Variants in GPD2 observed in about 807,000 individuals in gnomAD.
The protein encoded by GPD2 is glycerol-3-phosphate dehydrogenase, mitochondrial.
A neutral mutation model predicts 82.4 loss-of-function variants in GPD2; 54 were observed. The ratio of observed to expected loss-of-function variants is 0.66; its 90% confidence interval spans 0.53 to 0.82. The LOEUF (loss-of-function observed/expected upper bound fraction) is 0.82, where lower values mean the gene tolerates loss of function less well. Among genes scored for constraint, GPD2 ranks in the 40% least tolerant of loss-of-function variants. GPD2 has a pLI of 0.00. For missense variants in GPD2, 748 were observed against 896.2 expected, an observed-to-expected ratio of 0.83 and a Z score of 2.11; for synonymous variants, 288 against 306.1, an observed-to-expected ratio of 0.94 and a Z score of 0.62.
At chr2:156,422,344 A>T in the GPD2 span, among the ~76,000 whole-genome samples, 2 of 152,198 alleles carry the variant, frequency 1.3e-5, no homozygotes, top group African/African-American at 4.8e-5. Flanking sequence ...TATTCAAAGT[A>T]ATGTTATCTA....
At chr2:156,564,866 A>G (rs1365716330) in intron 9 of GPD2, among the ~76,000 whole-genome samples, 1 of 152,138 alleles carries the variant, frequency 6.6e-6, no homozygotes, top group African/African-American at 2.4e-5. Flanking sequence ...AGCAAAGTAA[A>G]TTAAAGTTCT....
chr2:156,512,107 A>C (rs1432861698), intron 4 of GPD2, 113 bp from the exon 5 acceptor site: 2 of 732,954 alleles, frequency 2.7e-6, no homozygotes, highest in Non-Finnish European at 2.5e-6. Context: ...AGCTATCCTC[A>C]CTCAGAGATA....
chr2:156,408,712 A>T, the GPD2 span, among the ~76,000 whole-genome samples: 3 of 111,702 alleles, frequency 2.7e-5, no homozygotes, highest in East Asian at 3.1e-4. Context: ...TGCACCTGGT[A>T]AAAAAAAAAA....
chr2:156,570,879 T>C (rs1326284192), intron 12 of GPD2, among the ~76,000 whole-genome samples: 1 of 152,190 alleles, frequency 6.6e-6, no homozygotes, highest in Non-Finnish European at 1.5e-5. Context: ...GCAATTTGCA[T>C]GTTTATGCCA....
chr2:156,505,173 C>G (rs1051372972), intron 3 of GPD2, among the ~76,000 whole-genome samples: 2 of 151,922 alleles, frequency 1.3e-5, no homozygotes, highest in African/African-American at 4.8e-5. Context: ...TAGAAATTCT[C>G]ACTCAGGTCA....
upstream of GPD2, among the ~76,000 whole-genome samples, chr2:156,433,409 C>G (rs1266731752): frequency 6.6e-6 from 1 of 152,106 alleles, no homozygotes; most frequent in African/African-American, 2.4e-5. Context: ...TAAACTGACT[C>G]CTCTGACCTT....
In GPD2 at chr2:156,538,521, C is replaced by A. The variant is rs530494632; in HGVS notation, c.662-11087C>A. On this transcript the variant is annotated intron_variant, in intron 6 of 16. Coordinates refer to ENST00000438166, the MANE Select transcript of GPD2 (RefSeq NM_000408.5). ...AGTAGGGCAAACCTATTTGAATAACCAAATTAAGATCAGGATTGGCTGGGT... is the reference window on the plus strand; with the variant it reads ...AGTAGGGCAAACCTATTTGAATAACAAAATTAAGATCAGGATTGGCTGGGT... 4.6e-4 allele frequency among the ~76,000 whole-genome samples: 70 copies of A among 150,620 alleles called. No homozygotes were observed. In the Middle Eastern group the frequency reaches 0.01, roughly 22 times the overall value.
At chr2:156,488,693 G>T (rs1684038529) in intron 2 of GPD2, among the ~76,000 whole-genome samples, 1 of 151,886 alleles carries the variant, frequency 6.6e-6, no homozygotes, top group South Asian at 2.1e-4. Flanking sequence ...CCTGTTCAGG[G>T]TGAACGTTCT....
chr2:156,405,020 C>G, the GPD2 span, among the ~76,000 whole-genome samples: 2 of 152,096 alleles, frequency 1.3e-5, no homozygotes, highest in African/African-American at 4.8e-5. Context: ...AAGGAATATT[C>G]AGGCAACAGT....
At chr2:156,561,507 A>G (rs765515341) in intron 9 of GPD2, among the ~76,000 whole-genome samples, 16 of 152,126 alleles carry the variant, frequency 1.1e-4, no homozygotes, top group African/African-American at 2.9e-4. Flanking sequence ...AAGCTTATCA[A>G]TTCATTTCAT....
chr2:156,458,764 C>CT (rs964318837), intron 1 of GPD2, among the ~76,000 whole-genome samples: 3 of 151,832 alleles, frequency 2.0e-5, no homozygotes, highest in Non-Finnish European at 4.4e-5. Flanking sequence ...CTTTGGAATT[C>CT]TTTTTTTTCA....
chr2:156,425,923 C>CTT, the GPD2 span, among the ~76,000 whole-genome samples: 19,091 of 136,246 alleles, frequency 0.14, 1,583 homozygotes, highest in East Asian at 0.25. Context: ...AGTCTGGGTA[C>CTT]TTTTTTTTTT....
intron 1 of GPD2, among the ~76,000 whole-genome samples, chr2:156,442,396 T>C (rs1158881439): frequency 2.6e-5 from 4 of 152,232 alleles, no homozygotes; most frequent in South Asian, 4.1e-4. Flanking sequence ...GGAAAAACTT[T>C]GGTCAAGATT....
At chr2:156,545,285 C>G (rs1015881412) in intron 6 of GPD2, among the ~76,000 whole-genome samples, 7 of 152,180 alleles carry the variant, frequency 4.6e-5, no homozygotes, top group African/African-American at 1.7e-4. Flanking sequence ...TGCTAGACCT[C>G]TAAGGGGGAG....
chr2:156,402,591 G>A, the GPD2 span, among the ~76,000 whole-genome samples: 3 of 152,148 alleles, frequency 2.0e-5, no homozygotes, highest in Non-Finnish European at 4.4e-5. Context: ...GCCATTGGCT[G>A]GTAAGGCCTC....
chr2:156,434,917 C>G (rs1206246237), upstream of GPD2, among the ~76,000 whole-genome samples: 1 of 152,080 alleles, frequency 6.6e-6, no homozygotes, highest in African/African-American at 2.4e-5. Context: ...ACTTTTAGAG[C>G]CAGTTTTAAA....
intron 6 of GPD2, among the ~76,000 whole-genome samples, chr2:156,518,358 A>G (rs909303586): frequency 2.0e-5 from 3 of 152,222 alleles, no homozygotes; most frequent in African/African-American, 7.2e-5. Context: ...GACAATAATG[A>G]CAATGAATTT....
intron 8 of GPD2, among the ~76,000 whole-genome samples, chr2:156,556,207 G>T (rs1290994966): frequency 1.3e-5 from 2 of 152,128 alleles, no homozygotes; most frequent in African/African-American, 4.8e-5. Context: ...TTTTGTGTAA[G>T]AGGAGTTTCT....
the GPD2 span, among the ~76,000 whole-genome samples, chr2:156,426,560 C>G: frequency 1.3e-5 from 2 of 152,276 alleles, no homozygotes; most frequent in African/African-American, 2.4e-5. Flanking sequence ...TCCTGTATCC[C>G]TAGAACAATA....
Sources: allele counts gnomAD v4.1 joint callset (sites outside exome capture counted in the v4.1 genomes callset), GRCh38; gene constraint gnomAD v4.1.1; transcripts MANE v1.5; gene names NCBI Gene and HGNC (gene_info 2026-07-23, HGNC 2026-07-21).